Variants in MAGI1 observed in about 807,000 individuals in gnomAD.
MAGI1 encodes membrane associated guanylate kinase, WW and PDZ domain containing 1.
MAGI1 carries 58 observed loss-of-function variants against 139.9 expected under a neutral mutation model. That is an observed-to-expected ratio of 0.41 (90% CI 0.34 to 0.52). The LOEUF is 0.52. Ranked by LOEUF, MAGI1 falls within the 20% of genes least tolerant of loss-of-function variation. The pLI is 0.12. For synonymous variants in MAGI1, 812 were observed against 737.9 expected (o/e 1.10, Z -1.63); for missense variants, 1,874 against 1,901.6 (o/e 0.99, Z 0.27).
At chr3:65,663,141 T>C (rs903573173) in intron 1 of MAGI1, among the ~76,000 whole-genome samples, 2 of 152,192 alleles carry the variant, frequency 1.3e-5, no homozygotes, top group Non-Finnish European at 2.9e-5. Flanking sequence ...GAAAATAATA[T>C]ACAAATATAA....
intron 1 of MAGI1, among the ~76,000 whole-genome samples, chr3:66,008,506 T>C (rs183216263): frequency 1.6e-4 from 24 of 152,290 alleles, no homozygotes; most frequent in African/African-American, 4.8e-4. Context: ...GAGCTGGGCA[T>C]TCTGGGGAAC....
At chr3:65,486,636 T>G (rs917388984) in intron 3 of MAGI1, among the ~76,000 whole-genome samples, 1 of 152,194 alleles carries the variant, frequency 6.6e-6, no homozygotes, top group South Asian at 2.1e-4. Flanking sequence ...TGATGCCAAT[T>G]CTGTTCAGTG....
intron 1 of MAGI1, among the ~76,000 whole-genome samples, chr3:65,923,411 G>C (rs893832560): frequency 7.9e-5 from 12 of 151,988 alleles, no homozygotes; most frequent in African/African-American, 2.9e-4. Context: ...ATTTTTAGTA[G>C]AGATGGGGTT....
At chr3:65,678,065 C>T (rs2087313447) in intron 1 of MAGI1, among the ~76,000 whole-genome samples, 1 of 152,174 alleles carries the variant, frequency 6.6e-6, no homozygotes. Flanking sequence ...AGCTAATTAA[C>T]ACAGGAACAG....
At chr3:65,595,454 C>T (rs1411761667) in intron 2 of MAGI1, among the ~76,000 whole-genome samples, 1 of 152,184 alleles carries the variant, frequency 6.6e-6, no homozygotes, top group Non-Finnish European at 1.5e-5. Flanking sequence ...CCAGTGGACA[C>T]ACCAGGGGCC....
chr3:65,553,872 T>A (rs1004005938), intron 2 of MAGI1, among the ~76,000 whole-genome samples: 2 of 152,192 alleles, frequency 1.3e-5, no homozygotes. Context: ...TTATCTCTAT[T>A]ACAAAATACA....
At chr3:65,436,028 T>C (rs1947823495) in intron 10 of MAGI1, among the ~76,000 whole-genome samples, 1 of 152,112 alleles carries the variant, frequency 6.6e-6, no homozygotes, top group Non-Finnish European at 1.5e-5. Context: ...TTGATACTAA[T>C]CAACATTATT....
At chr3:65,845,888 G>C (rs1355442099) in intron 1 of MAGI1, among the ~76,000 whole-genome samples, 6 of 152,206 alleles carry the variant, frequency 3.9e-5, no homozygotes, top group Non-Finnish European at 8.8e-5. Flanking sequence ...TGCTGGCCTT[G>C]TGATCCGCCA....
At chr3:65,646,582 G>A (rs973157308) in intron 1 of MAGI1, among the ~76,000 whole-genome samples, 2 of 151,962 alleles carry the variant, frequency 1.3e-5, no homozygotes, top group Admixed American at 6.6e-5. Flanking sequence ...AATTGACCAA[G>A]CAACAGCAAA....
intron 22 of MAGI1, among the ~76,000 whole-genome samples, chr3:65,358,379 A>T (rs1177284902): frequency 6.6e-6 from 1 of 152,128 alleles, no homozygotes; most frequent in African/African-American, 2.4e-5. Flanking sequence ...CTCTTTAAGG[A>T]TCTTTCATGA....
At position 65,406,351 on chromosome 3, in the gene MAGI1, C is replaced by A. The variant is rs531534673; in HGVS notation, c.2168-4881G>T. ...GAGTGGACCTCTCTGGACCTAATTT[C>A]CTCCAGGTTTAAAGGAAGTGGGAAT... On this transcript the variant is annotated intron_variant, in intron 12 of 22. Transcript: ENST00000402939. Among the ~76,000 whole-genome samples the A allele has an allele frequency of 2.6e-5, 4 of 151,964 alleles. No homozygotes were observed. The East Asian group carries it at 7.8e-4, about 30-fold the overall frequency.
chr3:65,502,467 C>A (rs2037670), intron 2 of MAGI1, among the ~76,000 whole-genome samples: 17,496 of 152,162 alleles, frequency 0.11, 1,207 homozygotes, highest in Middle Eastern at 0.15. Context: ...AAACAATAAG[C>A]ATTGTTGAGA....
At chr3:65,783,515 G>A (rs1391112533) in intron 1 of MAGI1, among the ~76,000 whole-genome samples, 1 of 151,968 alleles carries the variant, frequency 6.6e-6, no homozygotes, top group Non-Finnish European at 1.5e-5. Flanking sequence ...TCTTGAGACA[G>A]GGTCTCACTC....
chr3:65,686,938 C>A (rs1009550575), intron 1 of MAGI1, among the ~76,000 whole-genome samples: 3 of 152,144 alleles, frequency 2.0e-5, no homozygotes, highest in Non-Finnish European at 4.4e-5. Flanking sequence ...TTTACGGTAG[C>A]CCATTCGATG....
intron 1 of MAGI1, among the ~76,000 whole-genome samples, chr3:65,797,323 A>G (rs2040212042): frequency 6.6e-6 from 1 of 152,210 alleles, no homozygotes; most frequent in Non-Finnish European, 1.5e-5. Context: ...GATACCTGTA[A>G]AGAGTCTATG....
intron 1 of MAGI1, among the ~76,000 whole-genome samples, chr3:65,702,821 T>C (rs1452087762): frequency 6.6e-6 from 1 of 152,114 alleles, no homozygotes; most frequent in Non-Finnish European, 1.5e-5. Context: ...AGGATATTCC[T>C]AAAGCCTTAA....
intron 1 of MAGI1, among the ~76,000 whole-genome samples, chr3:65,886,324 A>AT (rs1019843073): frequency 2.0e-5 from 3 of 152,034 alleles, no homozygotes; most frequent in Admixed American, 1.3e-4. Context: ...CTAAATAGCA[A>AT]TTTTTTTTCA....
intron 1 of MAGI1, among the ~76,000 whole-genome samples, chr3:65,829,714 T>A (rs1275798611): frequency 1.3e-5 from 2 of 152,214 alleles, no homozygotes; most frequent in African/African-American, 4.8e-5. Context: ...ATTTGCAACA[T>A]CTGCAATGCC....
chr3:65,360,461 C>G, intron 22 of MAGI1: 1 of 984,038 alleles, frequency 1.0e-6, no homozygotes, highest in Non-Finnish European at 1.2e-6. Context: ...AAGATCATTG[C>G]TGTCTACTCA....
Sources: allele counts gnomAD v4.1 joint callset (sites outside exome capture counted in the v4.1 genomes callset), GRCh38; gene constraint gnomAD v4.1.1; transcripts MANE v1.5; gene names NCBI Gene and HGNC (gene_info 2026-07-23, HGNC 2026-07-21).